Variants in CNTN4 observed in about 807,000 individuals in gnomAD.
CNTN4 encodes contactin-4.
CNTN4 carries 77 observed loss-of-function variants against 122.5 expected under a neutral mutation model. The observed-to-expected ratio is 0.63, with a 90% CI of 0.52 to 0.76. CNTN4 has a LOEUF of 0.76. Ranked by LOEUF, CNTN4 falls within the 30% of genes least tolerant of loss-of-function variation. CNTN4 has a pLI of 0.00. For missense variants in CNTN4, 1,256 were observed against 1,259.1 expected (o/e 1.00, Z 0.04); for synonymous variants, 512 against 447.0 (o/e 1.15, Z -1.83).
chr3:2,658,985 CA>C (rs1382931449), intron 4 of CNTN4, among the ~76,000 whole-genome samples: 1 of 148,108 alleles, frequency 6.8e-6, no homozygotes, highest in African/African-American at 2.6e-5. Context: ...CACACACACA[CA>C]CACACACACA....
chr3:2,732,988 G>T (rs1190101476), intron 4 of CNTN4, among the ~76,000 whole-genome samples: 1 of 152,138 alleles, frequency 6.6e-6, no homozygotes, highest in Non-Finnish European at 1.5e-5. Context: ...TATTTATAGT[G>T]AATGCAAAGC....
Position 2,474,073 on chromosome 3 carries a change from G to T in CNTN4, c.-88-97343G>T, listed in dbSNP as rs935715861. Among the ~76,000 whole-genome samples the T allele has an allele frequency of 1.8e-3, 276 of 151,788 alleles. 2 individuals carry two copies. Among genetic ancestry groups the T allele is most frequent in the African/African-American group, 6.2e-3 (256 of 41,422 alleles). On this transcript the variant is annotated intron_variant, in intron 3 of 24. Coordinates refer to ENST00000418658, the MANE Select transcript of CNTN4 (RefSeq NM_175607.3). Reference sequence around the variant, plus strand: ...TTTCCCTTCTGGTTTCATATGCTAAGGTTCCTTCTGGGACTGTCTGCCGGG... The same window carrying T: ...TTTCCCTTCTGGTTTCATATGCTAATGTTCCTTCTGGGACTGTCTGCCGGG...
chr3:2,271,803 A>G (rs1407978194), intron 2 of CNTN4, among the ~76,000 whole-genome samples: 1 of 152,150 alleles, frequency 6.6e-6, no homozygotes, highest in Non-Finnish European at 1.5e-5. Flanking sequence ...CTAACCTTAT[A>G]TTGACATCTG....
At chr3:2,939,903 A>G (rs4685582) in intron 13 of CNTN4, among the ~76,000 whole-genome samples, 112,023 of 151,886 alleles carry the variant, frequency 0.74, 41,534 homozygotes, top group Middle Eastern at 0.89. Flanking sequence ...GCTCACATTC[A>G]TAGCTTGATG....
chr3:2,230,579 A>C (rs2039446462), intron 2 of CNTN4, among the ~76,000 whole-genome samples: 1 of 152,170 alleles, frequency 6.6e-6, no homozygotes, highest in Non-Finnish European at 1.5e-5. Flanking sequence ...CCTTTTAGAA[A>C]CTAACTTAAT....
intron 7 of CNTN4, among the ~76,000 whole-genome samples, chr3:2,843,211 C>G (rs1266935010): frequency 1.3e-5 from 2 of 152,144 alleles, no homozygotes; most frequent in East Asian, 3.9e-4. Context: ...TTCCATTCAT[C>G]CAGTGGCTCA....
intron 14 of CNTN4, among the ~76,000 whole-genome samples, chr3:3,020,243 C>A (rs909712810): frequency 4.6e-5 from 7 of 152,138 alleles, no homozygotes; most frequent in Non-Finnish European, 7.4e-5. Context: ...TTATCTTTAA[C>A]CAACTCTCAT....
intron 4 of CNTN4, among the ~76,000 whole-genome samples, chr3:2,646,357 C>G (rs114229185): frequency 0.022 from 3,395 of 152,232 alleles, 128 homozygotes; most frequent in African/African-American, 0.078. Context: ...ACTTTAGATT[C>G]AAATATTGGC....
At chr3:2,842,668 G>A (rs984377151) in intron 7 of CNTN4, among the ~76,000 whole-genome samples, 1 of 152,126 alleles carries the variant, frequency 6.6e-6, no homozygotes, top group Non-Finnish European at 1.5e-5. Flanking sequence ...GCTCTCTTCA[G>A]TGATGTCCAC....
intron 12 of CNTN4, among the ~76,000 whole-genome samples, chr3:2,914,380 A>G (rs901861752): frequency 6.6e-6 from 1 of 152,190 alleles, no homozygotes; most frequent in Non-Finnish European, 1.5e-5. Context: ...GATTTTTAAA[A>G]AGATCAACCA....
At chr3:2,426,246 A>G (rs1213648188) in intron 3 of CNTN4, among the ~76,000 whole-genome samples, 5 of 152,180 alleles carry the variant, frequency 3.3e-5, no homozygotes, top group Non-Finnish European at 5.9e-5. Context: ...CGTCCCATCA[A>G]TACCTAATTT....
chr3:2,742,743 T>C (rs1282900127), intron 5 of CNTN4, among the ~76,000 whole-genome samples: 1 of 152,202 alleles, frequency 6.6e-6, no homozygotes, highest in Non-Finnish European at 1.5e-5. Context: ...AAATCTCTAT[T>C]GGCTCCAAAT....
chr3:2,427,877 G>A (rs1243300404), intron 3 of CNTN4, among the ~76,000 whole-genome samples: 1 of 151,744 alleles, frequency 6.6e-6, no homozygotes, highest in East Asian at 1.9e-4. Flanking sequence ...TGTTTTATCA[G>A]AGACTAAGAT....
intron 2 of CNTN4, among the ~76,000 whole-genome samples, chr3:2,129,938 G>T (rs2125271506): frequency 6.6e-6 from 1 of 151,992 alleles, no homozygotes; most frequent in African/African-American, 2.4e-5. Context: ...TTCAAAACTG[G>T]CATTGTAAGT....
chr3:2,184,069 T>A (rs915230731), intron 2 of CNTN4, among the ~76,000 whole-genome samples: 13 of 152,090 alleles, frequency 8.5e-5, no homozygotes, highest in African/African-American at 3.1e-4. Flanking sequence ...TCTCCTGGGC[T>A]CAAGAGATCC....
At chr3:2,752,570 C>G (rs1378846970) in intron 6 of CNTN4, among the ~76,000 whole-genome samples, 1 of 152,022 alleles carries the variant, frequency 6.6e-6, no homozygotes, top group Non-Finnish European at 1.5e-5. Context: ...TCACCGGCCT[C>G]GAACTCCTGA....
chr3:2,994,671 G>A (rs1371312154), intron 14 of CNTN4, among the ~76,000 whole-genome samples: 3 of 151,022 alleles, frequency 2.0e-5, no homozygotes, highest in East Asian at 1.9e-4. Flanking sequence ...TTACTATTGC[G>A]CACTATATAA....
At chr3:2,676,577 A>C (rs2084857087) in intron 4 of CNTN4, among the ~76,000 whole-genome samples, 1 of 152,348 alleles carries the variant, frequency 6.6e-6, no homozygotes, top group African/African-American at 2.4e-5. Flanking sequence ...TATGGGAGAC[A>C]GCATCATGGA....
chr3:2,618,522 C>A (rs1413715984), intron 4 of CNTN4, among the ~76,000 whole-genome samples: 1 of 152,088 alleles, frequency 6.6e-6, no homozygotes, highest in African/African-American at 2.4e-5. Flanking sequence ...ACACTCACTT[C>A]ATTTTTACAA....
Sources: gnomAD v4.1 joint callset for allele counts (sites outside exome capture counted in the v4.1 genomes callset) on GRCh38, gnomAD v4.1.1 for gene constraint, MANE v1.5 for transcripts, NCBI Gene and HGNC (gene_info 2026-07-23, HGNC 2026-07-21) for gene names.